GRM7: variants seen among roughly 807,000 people sequenced by gnomAD.
The protein encoded by GRM7 is glutamate metabotropic receptor 7.
In GRM7, 35 loss-of-function variants were observed where a neutral mutation model predicts 84.5. That is an observed-to-expected ratio of 0.41 (90% CI 0.32 to 0.55). The LOEUF (loss-of-function observed/expected upper bound fraction) is 0.55, where lower values mean the gene tolerates loss of function less well. GRM7 is among the 20% of genes least tolerant of loss of function. The probability of loss-of-function intolerance (pLI) is 0.19; values close to 1 mark genes in which losing one functional copy is unlikely to be tolerated. For missense variants in GRM7, 1,003 were observed against 1,194.6 expected, an observed-to-expected ratio of 0.84 and a Z score of 2.36; for synonymous variants, 487 against 455.1, an observed-to-expected ratio of 1.07 and a Z score of -0.89.
intron 2 of GRM7, among the ~76,000 whole-genome samples, chr3:7,251,428 CA>C (rs1042029839): frequency 2.0e-4 from 30 of 150,824 alleles, no homozygotes; most frequent in African/African-American, 5.6e-4. Flanking sequence ...TTTTTTTTCA[CA>C]AAAAAAGTAT....
At chr3:7,217,113 A>G (rs958585913) in intron 2 of GRM7, among the ~76,000 whole-genome samples, 6 of 152,190 alleles carry the variant, frequency 3.9e-5, no homozygotes, top group African/African-American at 1.2e-4. Context: ...AAAAAGACAA[A>G]ATGCCTTTTT....
chr3:7,389,692 T>A (rs1304818129), intron 4 of GRM7, among the ~76,000 whole-genome samples: 1 of 152,144 alleles, frequency 6.6e-6, no homozygotes, highest in African/African-American at 2.4e-5. Context: ...CTGTTTTTGT[T>A]TTATATTTGC....
intron 1 of GRM7, among the ~76,000 whole-genome samples, chr3:7,014,962 G>A (rs1695507962): frequency 6.6e-6 from 1 of 152,154 alleles, no homozygotes; most frequent in Admixed American, 6.5e-5. Flanking sequence ...TTTGTAAAAT[G>A]TGCCAATCAG....
intron 1 of GRM7, among the ~76,000 whole-genome samples, chr3:6,938,601 C>G (rs1205264981): frequency 6.6e-6 from 1 of 152,104 alleles, no homozygotes; most frequent in East Asian, 1.9e-4. Context: ...ACACCATTGA[C>G]AAAATCACTT....
intron 2 of GRM7, among the ~76,000 whole-genome samples, chr3:7,178,805 G>T (rs141451529): frequency 6.6e-6 from 1 of 152,072 alleles, no homozygotes; most frequent in Non-Finnish European, 1.5e-5. Context: ...GTTAGGCTGC[G>T]CACCATGGCT....
chr3:7,333,884 GC>G (rs1296114653), intron 4 of GRM7, among the ~76,000 whole-genome samples: 2 of 151,994 alleles, frequency 1.3e-5, no homozygotes, highest in Non-Finnish European at 2.9e-5. Flanking sequence ...CGAAGACAAG[GC>G]TTTTGAATTA....
intron 3 of GRM7, among the ~76,000 whole-genome samples, chr3:7,300,890 C>T (rs995579225): frequency 2.6e-5 from 4 of 152,138 alleles, no homozygotes; most frequent in African/African-American, 9.7e-5. Flanking sequence ...TTTCGACTTG[C>T]TTTTGTACTG....
At chr3:7,321,996 C>T (rs1006132937) in intron 4 of GRM7, among the ~76,000 whole-genome samples, 2 of 151,892 alleles carry the variant, frequency 1.3e-5, no homozygotes, top group Non-Finnish European at 2.9e-5. Flanking sequence ...AAGAAAAACC[C>T]CAGAATATTA....
At chr3:7,181,686 G>A (rs1695342034) in intron 2 of GRM7, among the ~76,000 whole-genome samples, 1 of 152,044 alleles carries the variant, frequency 6.6e-6, no homozygotes, top group Admixed American at 6.6e-5. Flanking sequence ...TTGGCTCACT[G>A]CAGCCCTGAC....
At chr3:7,060,604 A>T (rs1306548710) in intron 1 of GRM7, among the ~76,000 whole-genome samples, 1 of 151,782 alleles carries the variant, frequency 6.6e-6, no homozygotes, top group Non-Finnish European at 1.5e-5. Flanking sequence ...AAGAATGATA[A>T]ATTAACTATT....
chr3:7,435,804 C>G (rs1697027524), intron 5 of GRM7, among the ~76,000 whole-genome samples: 1 of 149,684 alleles, frequency 6.7e-6, no homozygotes, highest in Admixed American at 6.7e-5. Context: ...TCTCTTTCCT[C>G]AGCCTCTGGA....
chr3:7,725,574 A>T (rs1353055471), intron 9 of GRM7, among the ~76,000 whole-genome samples: 1 of 152,162 alleles, frequency 6.6e-6, no homozygotes, highest in Non-Finnish European at 1.5e-5. Flanking sequence ...TATCCTTCTG[A>T]CCCAGGGCAT....
At chr3:7,491,355 AT>A (rs1306177131) in intron 7 of GRM7, among the ~76,000 whole-genome samples, 5 of 152,124 alleles carry the variant, frequency 3.3e-5, no homozygotes, top group African/African-American at 1.2e-4. Context: ...TTTTCCATTT[AT>A]CTAGTTCTTA....
At chr3:7,171,093 C>G (rs950490864) in intron 2 of GRM7, among the ~76,000 whole-genome samples, 2 of 152,248 alleles carry the variant, frequency 1.3e-5, no homozygotes, top group Non-Finnish European at 2.9e-5. Flanking sequence ...GACTGCAAGG[C>G]TTAGAAACAG....
At chr3:7,286,732 C>T (rs143283331) in intron 2 of GRM7, among the ~76,000 whole-genome samples, 2 of 152,254 alleles carry the variant, frequency 1.3e-5, no homozygotes, top group Non-Finnish European at 2.9e-5. Context: ...TTCCTCTCTT[C>T]TTTCAAGACT....
At chr3:7,095,713 A>G (rs2125013838) in intron 1 of GRM7, among the ~76,000 whole-genome samples, 1 of 152,236 alleles carries the variant, frequency 6.6e-6, no homozygotes, top group African/African-American at 2.4e-5. Flanking sequence ...AGAGAGTGGG[A>G]TCAGTATTTT....
intron 1 of GRM7, among the ~76,000 whole-genome samples, chr3:6,882,949 T>C (rs887149042): frequency 3.9e-5 from 6 of 152,212 alleles, no homozygotes; most frequent in African/African-American, 1.4e-4. Flanking sequence ...TTTTTAGAAA[T>C]TGAAGGGCCA....
At chr3:6,935,677 AATT>A (rs57669228) in intron 1 of GRM7, among the ~76,000 whole-genome samples, 32,887 of 142,222 alleles carry the variant, frequency 0.23, 4,792 homozygotes, top group African/African-American at 0.43. Context: ...CTTATTTTTA[AATT>A]ATTATTATTA....
At chr3:6,881,921 T>TTGTGTGTGTGTGTGTGTG (rs3060190) in intron 1 of GRM7, among the ~76,000 whole-genome samples, 55 of 144,704 alleles carry the variant, frequency 3.8e-4, no homozygotes, top group African/African-American at 1.3e-3. Flanking sequence ...GGCAATTGAA[T>TTGTGTGTGTGTGTGTGTG]TGTGTGTGTG....
Sources: allele counts gnomAD v4.1 joint callset (sites outside exome capture counted in the v4.1 genomes callset), GRCh38; gene constraint gnomAD v4.1.1; transcripts MANE v1.5; gene names NCBI Gene and HGNC (gene_info 2026-07-23, HGNC 2026-07-21).